Variants in AGL observed in about 807,000 individuals in gnomAD.
AGL encodes amylo-alpha-1,6-glucosidase and 4-alpha-glucanotransferase, also known as glycogen debranching enzyme.
AGL carries 128 observed loss-of-function variants against 199.3 expected under a neutral mutation model. The observed-to-expected ratio is 0.64, with a 90% confidence interval of 0.56 to 0.74. The LOEUF (loss-of-function observed/expected upper bound fraction) is 0.74, where lower values mean the gene tolerates loss of function less well. Ranked by LOEUF, AGL falls within the 30% of genes least tolerant of loss-of-function variation. The probability of loss-of-function intolerance (pLI) is 0.00; values close to 1 mark genes in which losing one functional copy is unlikely to be tolerated. For synonymous variants in AGL, 584 were observed against 594.7 expected (o/e 0.98, Z 0.26); for missense variants, 1,809 against 1,820.8 (o/e 0.99, Z 0.12).
intron 24 of AGL, among the ~76,000 whole-genome samples, chr1:99,892,886 A>G (rs1653018134): frequency 6.6e-6 from 1 of 151,982 alleles, no homozygotes; most frequent in Non-Finnish European, 1.5e-5. Context: ...TTTAAATCAA[A>G]TTTATTTTGC....
intron 25 of AGL, among the ~76,000 whole-genome samples, chr1:99,898,027 A>T (rs754062645): frequency 1.3e-5 from 2 of 151,474 alleles, no homozygotes; most frequent in Admixed American, 1.3e-4. Flanking sequence ...TGTATGGCCT[A>T]TGAGCAAAGA....
intron 27 of AGL, among the ~76,000 whole-genome samples, chr1:99,905,093 C>T (rs1557783956): frequency 6.6e-6 from 1 of 152,182 alleles, no homozygotes; most frequent in Non-Finnish European, 1.5e-5. Flanking sequence ...AAATTCCCGC[C>T]AGCAAACTGG....
chr1:99,858,744 A>G (rs1649782467), intron 2 of AGL, among the ~76,000 whole-genome samples: 2 of 152,208 alleles, frequency 1.3e-5, no homozygotes, highest in East Asian at 1.9e-4. Context: ...ATTTAGTTAC[A>G]TTTTCACTGA....
intron 27 of AGL, among the ~76,000 whole-genome samples, chr1:99,903,554 G>A (rs1283248526): frequency 6.6e-6 from 1 of 152,126 alleles, no homozygotes; most frequent in Non-Finnish European, 1.5e-5. Flanking sequence ...ATTTGGGTTG[G>A]TTCCAAGTCT....
intron 20 of AGL, 76 bp from the exon 21 acceptor site, chr1:99,887,902 C>T: frequency 6.6e-7 from 1 of 1,521,836 alleles, no homozygotes; most frequent in Admixed American, 1.7e-5. Context: ...GATTGTAATT[C>T]AGATTTTCTT....
Position 99,857,421 on chromosome 1 carries a change from A to G in AGL, c.83-4082A>G, listed in dbSNP as rs552989815. On this transcript the variant is annotated intron_variant, in intron 2 of 33. Coordinates refer to ENST00000361915, the MANE Select transcript of AGL (RefSeq NM_000642.3). ...TTCCCAGACGGGGTGGCGGCCGGGC[A>G]GAGGCTGCAGTCTCGGCACTTTGGG... 9.7e-3 allele frequency among the ~76,000 whole-genome samples: 1,484 copies of G among 152,232 alleles called. 10 individuals carry two copies. The highest frequency in any genetic ancestry group is 0.016 in the Non-Finnish European group (1,093 of 68,010).
Position 99,876,616 on chromosome 1 carries a change from C to A in AGL, c.1423+19C>A. 1 of 1,613,420 alleles carries A rather than the reference C, an allele frequency of 6.2e-7. No individual in the cohort carries two copies. The highest frequency in any genetic ancestry group is 8.5e-7 in the Non-Finnish European group (1 of 1,179,556). ...GAACCGGGTATGTAATTTTTAACTTCTCTGTGGATGGGGAAAGAATAGTTC... is the reference window on the plus strand; with the variant it reads ...GAACCGGGTATGTAATTTTTAACTTATCTGTGGATGGGGAAAGAATAGTTC... On this transcript the variant is annotated intron_variant, in intron 11 of 33. Transcript: ENST00000361915.
intron 12 of AGL, 65 bp from the exon 13 acceptor site, chr1:99,879,858 C>T: frequency 7.2e-7 from 1 of 1,380,028 alleles, no homozygotes; most frequent in Non-Finnish European, 1.0e-6. Flanking sequence ...TCTTTCCTTC[C>T]TCCTATCTTG....
rs186899887 is a variant in AGL at position 99,897,790 on chromosome 1, G to A, written c.3362+1402G>A. Among the ~76,000 whole-genome samples the A allele has an allele frequency of 4.6e-5, 7 of 152,250 alleles. No individual in the cohort carries two copies. The East Asian group carries it at 1.2e-3, about 25-fold the overall frequency. On this transcript the variant is annotated intron_variant, in intron 25 of 33. Coordinates refer to ENST00000361915, the MANE Select transcript of AGL (RefSeq NM_000642.3). ...GACAAATTACCTTACTGGGTACTTGGGAGGATCAAATGAACACATACAGTT... is the reference window on the plus strand; with the variant it reads ...GACAAATTACCTTACTGGGTACTTGAGAGGATCAAATGAACACATACAGTT...
intron 24 of AGL, among the ~76,000 whole-genome samples, chr1:99,895,872 A>T (rs1387119996): frequency 2.0e-5 from 3 of 152,192 alleles, no homozygotes; most frequent in Non-Finnish European, 2.9e-5. Context: ...GCTACTTGGG[A>T]GGCTGAGGTG....
intron 22 of AGL, 58 bp downstream of exon 22, chr1:99,891,414 A>G: frequency 7.7e-6 from 12 of 1,565,750 alleles, no homozygotes; most frequent in Non-Finnish European, 1.1e-5. Context: ...AAATATTACC[A>G]TGTTATATAT....
intron 5 of AGL, among the ~76,000 whole-genome samples, chr1:99,865,393 T>C (rs1163167806): frequency 1.3e-5 from 2 of 152,198 alleles, no homozygotes; most frequent in Non-Finnish European, 2.9e-5. Context: ...CTCTCAGAAG[T>C]TGTATTTGGA....
intron 5 of AGL, among the ~76,000 whole-genome samples, chr1:99,864,835 AGGAGAGTG>A (rs1395559489): frequency 1.3e-5 from 2 of 152,254 alleles, no homozygotes; most frequent in African/African-American, 2.4e-5. Flanking sequence ...TTATAAATAC[AGGAGAGTG>A]ATCATAGAAG....
rs367764339 is a variant in AGL at position 99,921,594 on chromosome 1, C to G, written c.4542C>G (p.Ser1514Arg). 1.2e-6 allele frequency: 2 copies of G among 1,613,124 alleles called. No homozygotes were observed. Among genetic ancestry groups the G allele is most frequent in the Non-Finnish European group, 1.7e-6 (2 of 1,179,446 alleles). Residue 1514 changes from serine (S) to arginine (R), a missense_variant, in exon 34 of 34, where the codon AGC (serine) becomes AGG (arginine). Ser to Arg is a moderately radical substitution (Grantham distance 110). Transcript: ENST00000361915. ...AGAATGCCCAGTACTGTCCTTTCAG[C>G]TGTGAAACACAAGCCTGGTCAATTG... ...TNENAQYCPFSCETQAWSIAT... is the reference protein window; with the variant it reads ...TNENAQYCPFRCETQAWSIAT...
rs1553191713 is a variant in AGL at position 99,907,693 on chromosome 1, G to GTTTTTTGTTTTTT, written c.3701-3013_3701-3012insGTTTTTTTTTTTT. 4.2e-4 allele frequency among the ~76,000 whole-genome samples: 50 copies of GTTTTTTGTTTTTT among 118,972 alleles called. 2 individuals carry two copies. The highest frequency in any genetic ancestry group is 1.4e-3 in the African/African-American group (46 of 33,576). 78.1% of individuals were successfully genotyped at this position (118,972 alleles called of 152,430 possible). On this transcript the variant is annotated intron_variant, in intron 27 of 33. Coordinates refer to ENST00000361915, the MANE Select transcript of AGL (RefSeq NM_000642.3). ...TTTTGTTCGTTTGTTTTTGTTTTTT[G>GTTTTTTGTTTTTT]TTTTTTTTGCTAGTAGCCATCCTAA...
At chr1:99,854,763 CA>C (rs11368135) in intron 2 of AGL, among the ~76,000 whole-genome samples, 6,295 of 84,096 alleles carry the variant, frequency 0.075, 421 homozygotes, top group African/African-American at 0.23. Context: ...GATGCCGTCT[CA>C]AAAAAAAAAA....
intron 11 of AGL, among the ~76,000 whole-genome samples, chr1:99,876,972 A>T (rs1651597493): frequency 6.6e-6 from 1 of 152,226 alleles, no homozygotes; most frequent in East Asian, 1.9e-4. Flanking sequence ...CTCATTGGCC[A>T]GAGGTATTAA....
At chr1:99,875,055 A>C in intron 8 of AGL, 99 bp from the exon 9 acceptor site, 1 of 1,147,174 alleles carries the variant, frequency 8.7e-7, no homozygotes, top group South Asian at 1.4e-5. Context: ...AATCCCGATG[A>C]ATATATTTAA....
At chr1:99,850,046 C>A (rs1157430527), upstream of AGL, 1 of 152,360 alleles carries the variant, frequency 6.6e-6, no homozygotes, top group Non-Finnish European at 1.5e-5. Context: ...TGCCCACGCT[C>A]TCGCGAGACT....
Sources: allele counts gnomAD v4.1 joint callset (sites outside exome capture counted in the v4.1 genomes callset), GRCh38; gene constraint gnomAD v4.1.1; transcripts MANE v1.5; gene names NCBI Gene and HGNC (gene_info 2026-07-23, HGNC 2026-07-21).